Variants in SP140 observed in about 807,000 individuals in gnomAD.
SP140 encodes the protein nuclear body protein SP140.
Under a neutral mutation model 125.0 loss-of-function variants are expected in SP140, and 81 were observed. The observed-to-expected ratio is 0.65, with a 90% CI of 0.54 to 0.78. The LOEUF (loss-of-function observed/expected upper bound fraction) is 0.78. Among genes scored for constraint, SP140 ranks in the 30% least tolerant of loss-of-function variants. The probability of loss-of-function intolerance (pLI) is 0.00; values close to 1 mark genes in which losing one functional copy is unlikely to be tolerated. For missense variants in SP140, 858 were observed against 1,037.0 expected (o/e 0.83, Z 2.37); for synonymous variants, 312 against 354.0 (o/e 0.88, Z 1.33).
At chr2:230,302,766 C>T (rs769266893) in intron 22 of SP140, among the ~76,000 whole-genome samples, 1 of 152,166 alleles carries the variant, frequency 6.6e-6, no homozygotes, top group Non-Finnish European at 1.5e-5. Flanking sequence ...ACCCTCAAAA[C>T]CAGGCACGTA....
intron 21 of SP140, among the ~76,000 whole-genome samples, chr2:230,295,552 G>T (rs2057621621): frequency 6.6e-6 from 1 of 152,232 alleles, no homozygotes; most frequent in Non-Finnish European, 1.5e-5. Context: ...ACAAGGTGCA[G>T]TTGCCTCTAT....
chr2:230,308,543 G>T (rs1373075230), intron 22 of SP140, among the ~76,000 whole-genome samples: 1 of 152,238 alleles, frequency 6.6e-6, no homozygotes, highest in Non-Finnish European at 1.5e-5. Context: ...CGGTAGCCCG[G>T]TGGGGGTGGG....
At chr2:230,186,188 A>G in the SP140 span, 3 of 1,600,148 alleles carry the variant, frequency 1.9e-6, no homozygotes, top group South Asian at 1.1e-5. Flanking sequence ...CTCCCTTCTC[A>G]TGTTCCCAGC....
chr2:230,223,347 C>T (rs2045979136), upstream of SP140, among the ~76,000 whole-genome samples: 1 of 152,160 alleles, frequency 6.6e-6, no homozygotes, highest in African/African-American at 2.4e-5. Context: ...GTCTGACATT[C>T]TATGGGATGT....
intron 3 of SP140, among the ~76,000 whole-genome samples, chr2:230,217,204 C>A (rs1216278113): frequency 7.1e-6 from 1 of 140,388 alleles, no homozygotes; most frequent in Non-Finnish European, 1.5e-5. Context: ...CAAGATTGTG[C>A]CACTGCACTC....
chr2:230,276,108 T>A (rs1378502816), intron 15 of SP140, among the ~76,000 whole-genome samples: 3 of 152,180 alleles, frequency 2.0e-5, no homozygotes, highest in African/African-American at 7.2e-5. Flanking sequence ...GTCCAGAAGA[T>A]CTAGCCAAGA....
intron 3 of SP140, chr2:230,238,612 A>G: frequency 1.3e-6 from 1 of 793,912 alleles, no homozygotes; most frequent in South Asian, 1.8e-5. Flanking sequence ...TTGCTCAGCC[A>G]GGACTTGATT....
intron 15 of SP140, among the ~76,000 whole-genome samples, chr2:230,275,033 T>A (rs2054509575): frequency 6.6e-6 from 1 of 152,194 alleles, no homozygotes; most frequent in South Asian, 2.1e-4. Context: ...TTGAGCATTC[T>A]TCATTTGTTA....
intron 18 of SP140, among the ~76,000 whole-genome samples, chr2:230,290,004 C>T (rs2149476034): frequency 6.6e-6 from 1 of 152,258 alleles, no homozygotes; most frequent in Non-Finnish European, 1.5e-5. Flanking sequence ...CAGACATCAT[C>T]TCCATTAGGT....
intron 13 of SP140, 56 bp from the exon 14 acceptor site, chr2:230,269,781 A>C: frequency 7.1e-7 from 1 of 1,405,418 alleles, no homozygotes; most frequent in Non-Finnish European, 1.0e-6. Context: ...AAGGGTGCAG[A>C]AAATAGAGTC....
At chr2:230,205,432 G>C (rs2043663106) in intron 1 of SP140, among the ~76,000 whole-genome samples, 1 of 152,124 alleles carries the variant, frequency 6.6e-6, no homozygotes, top group South Asian at 2.1e-4. Flanking sequence ...CAACCTGCAA[G>C]TCACTATTGT....
chr2:230,212,722 C>T (rs532806600), intron 1 of SP140: 1 of 1,612,674 alleles, frequency 6.2e-7, no homozygotes, highest in African/African-American at 1.3e-5. Context: ...GCACCTTAGG[C>T]TGAGGATATA....
chr2:230,240,705 T>C (rs2048604486), intron 3 of SP140, among the ~76,000 whole-genome samples: 1 of 152,226 alleles, frequency 6.6e-6, no homozygotes, highest in South Asian at 2.1e-4. Context: ...CATCCCTTGC[T>C]GGTAGGAATG....
chr2:230,253,240 C>T lies in SP140; in HGVS notation c.1058-76C>T, dbSNP rs1380344012. On this transcript the variant is annotated intron_variant, in intron 10 of 26. Transcript: ENST00000392045. ...AAAAGGCGGAACAAGACAGGGGTGGCTCTTAGCATTTTCCCATCTTGGATG... is the reference window on the plus strand; with the variant it reads ...AAAAGGCGGAACAAGACAGGGGTGGTTCTTAGCATTTTCCCATCTTGGATG... 10 of 1,018,052 alleles carry T rather than the reference C, an allele frequency of 9.8e-6. No individual in the cohort carries two copies. The East Asian group carries it at 1.4e-4, about 15-fold the overall frequency. 63.1% of individuals were successfully genotyped at this position (1,018,052 alleles called of 1,614,324 possible). A position where few individuals can be genotyped will look rare whatever the true frequency, so the allele number is the denominator to read the frequency against.
intron 12 of SP140, among the ~76,000 whole-genome samples, chr2:230,268,450 A>G (rs7582543): frequency 0.38 from 57,338 of 151,356 alleles, 11,277 homozygotes; most frequent in Middle Eastern, 0.5. Flanking sequence ...TCTTGAACCC[A>G]GGAGGCGGAG....
chr2:230,306,547 C>G (rs2058782094), intron 22 of SP140, among the ~76,000 whole-genome samples: 1 of 152,220 alleles, frequency 6.6e-6, no homozygotes, highest in African/African-American at 2.4e-5. Context: ...GCCCAGGAGG[C>G]TACCCTCCAC....
At chr2:230,316,227 G>GA (rs748554409), downstream of SP140, among the ~76,000 whole-genome samples, 6 of 152,168 alleles carry the variant, frequency 3.9e-5, no homozygotes, top group Non-Finnish European at 7.3e-5. Context: ...TGGTGGGAGA[G>GA]AAACGTTACA....
chr2:230,300,842 T>C (rs1289043631), intron 22 of SP140, among the ~76,000 whole-genome samples: 2 of 152,164 alleles, frequency 1.3e-5, no homozygotes, highest in African/African-American at 4.8e-5. Flanking sequence ...AGGTCAATTA[T>C]TCAGCTACTC....
chr2:230,286,370 G>C (rs985153513), intron 17 of SP140, among the ~76,000 whole-genome samples: 1 of 152,182 alleles, frequency 6.6e-6, no homozygotes. Flanking sequence ...ATAGTTGGGG[G>C]TGACATGGTC....
Sources: allele counts gnomAD v4.1 joint callset (sites outside exome capture counted in the v4.1 genomes callset), GRCh38; gene constraint gnomAD v4.1.1; transcripts MANE v1.5; gene names NCBI Gene and HGNC (gene_info 2026-07-23, HGNC 2026-07-21).